Variants in ROBO1 observed in about 807,000 individuals in gnomAD.
ROBO1 encodes the protein roundabout homolog 1.
Under a neutral mutation model 195.9 loss-of-function variants are expected in ROBO1, and 149 were observed. The ratio of observed to expected loss-of-function variants is 0.76; its 90% CI spans 0.67 to 0.87. ROBO1 has a LOEUF of 0.87. Ranked by LOEUF, ROBO1 falls within the 40% of genes least tolerant of loss-of-function variation. ROBO1 has a pLI of 0.00. For missense variants in ROBO1, 1,933 were observed against 2,068.3 expected, an observed-to-expected ratio of 0.93 and a Z score of 1.27; for synonymous variants, 816 against 733.2, an observed-to-expected ratio of 1.11 and a Z score of -1.82.
chr3:78,893,605 T>C (rs2037045847), intron 4 of ROBO1, among the ~76,000 whole-genome samples: 1 of 152,198 alleles, frequency 6.6e-6, no homozygotes. Context: ...AGCTAAATAA[T>C]TTTCCTAAGC....
Position 78,606,825 on chromosome 3 carries a change from C to T in ROBO1, c.4652G>A (p.Arg1551Lys), listed in dbSNP as rs373644190. ...GTCATTTTGCTGTTCCTGTGCTTCT[C>T]TGGGATCACCTGGATTTGTTCGCAT... ...VDMRTNPGDP[R>K]EAQEQQNDGK... Residue 1551 changes from arginine to lysine, a missense_variant, in exon 29 of 31, where the codon AGA (arginine) becomes AAA (lysine). Physicochemically the swap from Arg to Lys is conservative, Grantham distance 26. Around this residue, in one of 3 missense-constraint regions of ROBO1, gnomAD observed 1,737 missense variants for 1,882.5 expected, o/e 0.92. Coordinates refer to ENST00000464233, the MANE Select transcript of ROBO1 (RefSeq NM_002941.4). The T allele has an allele frequency of 1.0e-4, 166 of 1,613,748 alleles. No homozygotes were observed. Among genetic ancestry groups the T allele is most frequent in the Non-Finnish European group, 1.3e-4 (150 of 1,179,860 alleles).
chr3:79,747,329 T>G (rs1703921493), intron 1 of ROBO1, among the ~76,000 whole-genome samples: 1 of 152,062 alleles, frequency 6.6e-6, no homozygotes, highest in African/African-American at 2.4e-5. Flanking sequence ...AATATAGAGA[T>G]TATGTATGTA....
At chr3:79,649,052 CAAATTTG>C (rs1365140879) in intron 1 of ROBO1, among the ~76,000 whole-genome samples, 1 of 151,992 alleles carries the variant, frequency 6.6e-6, no homozygotes, top group African/African-American at 2.4e-5. Flanking sequence ...CTATTTGACC[CAAATTTG>C]AAATTTTAAA....
intron 2 of ROBO1, among the ~76,000 whole-genome samples, chr3:79,153,220 A>C (rs1432680981): frequency 6.6e-6 from 1 of 151,756 alleles, no homozygotes; most frequent in Non-Finnish European, 1.5e-5. Flanking sequence ...TCCACGTAGA[A>C]GAACCATGCT....
intron 2 of ROBO1, among the ~76,000 whole-genome samples, chr3:79,515,098 C>T (rs1299366847): frequency 6.6e-6 from 1 of 152,110 alleles, no homozygotes; most frequent in African/African-American, 2.4e-5. Context: ...GCTGATTTCC[C>T]CTTCCAAACA....
At chr3:79,635,246 G>T (rs1262243055) in intron 1 of ROBO1, among the ~76,000 whole-genome samples, 1 of 152,156 alleles carries the variant, frequency 6.6e-6, no homozygotes. Context: ...TATGCATGAT[G>T]CTTACACAAT....
intron 4 of ROBO1, among the ~76,000 whole-genome samples, chr3:78,848,426 T>C (rs749629627): frequency 2.0e-4 from 30 of 152,314 alleles, no homozygotes; most frequent in Non-Finnish European, 4.0e-4. Flanking sequence ...GTCTCTGCTG[T>C]CATGGTGATA....
At chr3:79,183,649 T>C (rs540696640) in intron 2 of ROBO1, among the ~76,000 whole-genome samples, 398 of 152,284 alleles carry the variant, frequency 2.6e-3, no homozygotes, top group Non-Finnish European at 4.7e-3. Context: ...GATGGTTGGG[T>C]TACAAAGATA....
At chr3:79,221,764 A>G (rs1263082783) in intron 2 of ROBO1, among the ~76,000 whole-genome samples, 1 of 152,090 alleles carries the variant, frequency 6.6e-6, no homozygotes, top group Non-Finnish European at 1.5e-5. Flanking sequence ...GTAATAAACT[A>G]TAAGGAGCCA....
chr3:79,551,747 T>C (rs978299301), intron 2 of ROBO1, among the ~76,000 whole-genome samples: 1 of 151,974 alleles, frequency 6.6e-6, no homozygotes, highest in African/African-American at 2.4e-5. Context: ...GTCATTTATG[T>C]GACAAAGTAA....
intron 3 of ROBO1, chr3:79,018,678 T>G: frequency 7.3e-7 from 1 of 1,369,872 alleles, no homozygotes; most frequent in Non-Finnish European, 9.4e-7. Flanking sequence ...AGGTTTGTCT[T>G]CTCCGGCCCC....
chr3:79,502,367 CGCCCGG>C (rs1327104845), intron 2 of ROBO1, among the ~76,000 whole-genome samples: 1 of 152,172 alleles, frequency 6.6e-6, no homozygotes, highest in African/African-American at 2.4e-5. Flanking sequence ...CTGTCCCCGC[CGCCCGG>C]GCAGTGAGGG....
intron 1 of ROBO1, among the ~76,000 whole-genome samples, chr3:79,628,468 C>A (rs1311689621): frequency 1.3e-5 from 2 of 152,074 alleles, no homozygotes; most frequent in African/African-American, 2.4e-5. Flanking sequence ...GAACGACACA[C>A]ATCAGGGCCT....
At chr3:79,250,086 G>A (rs966277897) in intron 2 of ROBO1, among the ~76,000 whole-genome samples, 2 of 152,280 alleles carry the variant, frequency 1.3e-5, no homozygotes, top group South Asian at 2.1e-4. Flanking sequence ...TGGTGTGGCA[G>A]TTAGAAGCTA....
chr3:79,337,173 A>G (rs939668610), intron 2 of ROBO1, among the ~76,000 whole-genome samples: 1 of 152,138 alleles, frequency 6.6e-6, no homozygotes, highest in Non-Finnish European at 1.5e-5. Context: ...CTTTTGAGTT[A>G]ATGCTGAAAT....
chr3:79,757,090 T>G (rs923189691), intron 1 of ROBO1, among the ~76,000 whole-genome samples: 5 of 152,180 alleles, frequency 3.3e-5, no homozygotes, highest in African/African-American at 1.2e-4. Context: ...CTTTTCTACT[T>G]TTTGGCTATT....
chr3:79,742,822 C>A (rs189577290), intron 1 of ROBO1, among the ~76,000 whole-genome samples: 1 of 152,272 alleles, frequency 6.6e-6, no homozygotes, highest in Admixed American at 6.5e-5. Flanking sequence ...CCTTCAAAAG[C>A]AAAGAGGCTT....
chr3:78,788,440 T>TAAA lies in ROBO1; in HGVS notation c.500-41543_500-41541dup, dbSNP rs35773751. Among the ~76,000 whole-genome samples, 502 of 75,756 alleles carry TAAA rather than the reference T, an allele frequency of 6.6e-3. 2 individuals carry two copies. The highest frequency in any genetic ancestry group is 0.013 in the Middle Eastern group (1 of 80). 49.7% of individuals were successfully genotyped at this position (75,756 alleles called of 152,430 possible). On this transcript the variant is annotated intron_variant, in intron 4 of 30. Coordinates refer to ENST00000464233, the MANE Select transcript of ROBO1 (RefSeq NM_002941.4). ...GCCTCTCTTTTCTTTTTTTTTTTTT[T>TAAA]AAAAAAAAAAAAAAAAAAAAAAGAT...
intron 4 of ROBO1, among the ~76,000 whole-genome samples, chr3:78,768,979 G>C (rs1165106949): frequency 2.0e-5 from 3 of 151,976 alleles, no homozygotes; most frequent in Non-Finnish European, 2.9e-5. Flanking sequence ...TCGTTTTATA[G>C]CCTATCATAT....
Sources: allele counts gnomAD v4.1 joint callset (sites outside exome capture counted in the v4.1 genomes callset), GRCh38; gene constraint gnomAD v4.1.1; regional missense constraint gnomAD v4.1.1; transcripts MANE v1.5; gene names NCBI Gene and HGNC (gene_info 2026-07-23, HGNC 2026-07-21).